CDH18: variants seen among roughly 807,000 people sequenced by gnomAD.
The protein encoded by CDH18 is cadherin-18.
Under a neutral mutation model 67.9 loss-of-function variants are expected in CDH18, and 31 were observed. That is an observed-to-expected ratio of 0.46 (90% CI 0.34 to 0.62). CDH18 has a LOEUF of 0.62. Among genes scored for constraint, CDH18 ranks in the 20% least tolerant of loss-of-function variants. The probability of loss-of-function intolerance (pLI) is 0.01; values close to 1 mark genes in which losing one functional copy is unlikely to be tolerated. For synonymous variants in CDH18, 362 were observed against 347.2 expected, an observed-to-expected ratio of 1.04 and a Z score of -0.48; for missense variants, 890 against 975.5, an observed-to-expected ratio of 0.91 and a Z score of 1.17.
At chr5:20,171,602 A>C (rs770001066) in intron 2 of CDH18, among the ~76,000 whole-genome samples, 1 of 151,986 alleles carries the variant, frequency 6.6e-6, no homozygotes, top group African/African-American at 2.4e-5. Context: ...AGTCTCTTAC[A>C]GATGCTGGAT....
chr5:19,939,609 T>A lies in CDH18; in HGVS notation c.-257+41451A>T, dbSNP rs368102800. Among the ~76,000 whole-genome samples the A allele has an allele frequency of 6.3e-4, 95 of 151,912 alleles. No individual in the cohort carries two copies. The South Asian group carries it at 0.017, about 27-fold the overall frequency. On this transcript the variant is annotated intron_variant, in intron 2 of 12. Transcript: ENST00000382275. ...ATATTTGCAACTCCGTGTTCACTAA[T>A]CATGAATTAAAGCATACTGCTGGAA...
intron 7 of CDH18, among the ~76,000 whole-genome samples, chr5:19,589,204 C>T (rs557950583): frequency 2.0e-5 from 3 of 151,976 alleles, no homozygotes; most frequent in South Asian, 2.1e-4. Context: ...TTCCTTTAGC[C>T]GAATCCAATC....
chr5:19,857,945 T>G (rs1784480502), intron 2 of CDH18, among the ~76,000 whole-genome samples: 1 of 152,202 alleles, frequency 6.6e-6, no homozygotes, highest in African/African-American at 2.4e-5. Flanking sequence ...TAAAAATCTA[T>G]CTAATATTAA....
In CDH18 at chr5:20,555,725, CA is replaced by C. The variant is rs1310019884; in HGVS notation, c.-580+19736del. On this transcript the variant is annotated intron_variant, in intron 1 of 14. Coordinates refer to the CDH18 transcript ENST00000507958. The stretch of plus-strand genomic sequence containing the variant: ...GTTACAAAGCATTAAACAACTGAGA[CA>C]GAGTTTCAAATCACCCCTGCTTTTT... 2.0e-5 allele frequency among the ~76,000 whole-genome samples: 3 copies of C among 151,574 alleles called. No individual in the cohort carries two copies. The East Asian group carries it at 5.8e-4, about 29-fold the overall frequency.
At chr5:19,698,075 G>A (rs1762767048) in intron 5 of CDH18, among the ~76,000 whole-genome samples, 1 of 152,110 alleles carries the variant, frequency 6.6e-6, no homozygotes, top group African/African-American at 2.4e-5. Context: ...CTGTTTATAT[G>A]CACCTATCTT....
intron 5 of CDH18, among the ~76,000 whole-genome samples, chr5:19,713,993 C>T (rs1189490487): frequency 1.3e-5 from 2 of 152,096 alleles, no homozygotes; most frequent in Non-Finnish European, 2.9e-5. Context: ...AAGTGCATTT[C>T]ACAAAGGTCC....
intron 1 of CDH18, among the ~76,000 whole-genome samples, chr5:20,359,173 C>T (rs1741886122): frequency 6.6e-6 from 1 of 151,966 alleles, no homozygotes; most frequent in African/African-American, 2.4e-5. Flanking sequence ...TCAGGTGATC[C>T]ACCCACCTCG....
intron 1 of CDH18, among the ~76,000 whole-genome samples, chr5:20,450,042 A>T (rs938724263): frequency 6.6e-6 from 1 of 151,926 alleles, no homozygotes; most frequent in African/African-American, 2.4e-5. Flanking sequence ...TACATTTTTA[A>T]AGTATATTTT....
intron 10 of CDH18, among the ~76,000 whole-genome samples, chr5:19,506,759 T>C (rs1225207403): frequency 2.0e-5 from 3 of 152,162 alleles, no homozygotes; most frequent in Admixed American, 1.3e-4. Flanking sequence ...TAATTCAAGA[T>C]GGATTAAAGA....
At chr5:20,531,800 C>G (rs1756416269) in intron 1 of CDH18, among the ~76,000 whole-genome samples, 1 of 152,032 alleles carries the variant, frequency 6.6e-6, no homozygotes, top group Non-Finnish European at 1.5e-5. Flanking sequence ...GGCTTAATAT[C>G]TAGGTGATGG....
At chr5:20,200,409 C>T (rs1271367159) in intron 2 of CDH18, among the ~76,000 whole-genome samples, 6 of 152,146 alleles carry the variant, frequency 3.9e-5, no homozygotes, top group South Asian at 4.1e-4. Flanking sequence ...TGTCGTGGCT[C>T]ACACCTGTAA....
At chr5:19,612,378 T>A in intron 6 of CDH18, 56 bp downstream of exon 6, 1 of 1,548,822 alleles carries the variant, frequency 6.5e-7, no homozygotes, top group Non-Finnish European at 8.9e-7. Context: ...AGTATTTCAT[T>A]TTACTTTACA....
At chr5:19,938,636 C>T (rs1433987934) in intron 2 of CDH18, among the ~76,000 whole-genome samples, 1 of 151,418 alleles carries the variant, frequency 6.6e-6, no homozygotes, top group Non-Finnish European at 1.5e-5. Flanking sequence ...CTACTTCATG[C>T]TTTGTTCCTG....
chr5:20,371,524 AC>A (rs1336476556), intron 1 of CDH18, among the ~76,000 whole-genome samples: 1 of 152,200 alleles, frequency 6.6e-6, no homozygotes, highest in East Asian at 1.9e-4. Context: ...TCAGAGTAGC[AC>A]ATTTGTGACC....
chr5:19,531,609 T>TCACACACACACACA (rs10552517), intron 9 of CDH18, among the ~76,000 whole-genome samples: 20 of 148,814 alleles, frequency 1.3e-4, no homozygotes, highest in South Asian at 2.2e-4. Flanking sequence ...ATGTGTGTTC[T>TCACACACACACACA]CACACACACA....
At chr5:20,532,411 T>C in intron 1 of CDH18, among the ~76,000 whole-genome samples, 1 of 152,138 alleles carries the variant, frequency 6.6e-6, no homozygotes. Flanking sequence ...TACTCAGTGC[T>C]AAAATAATTT....
chr5:20,506,102 A>G (rs548828806), intron 1 of CDH18, among the ~76,000 whole-genome samples: 22 of 152,208 alleles, frequency 1.4e-4, no homozygotes, highest in Non-Finnish European at 2.9e-4. Context: ...CACACAAAAA[A>G]ATAAAGTCAC....
chr5:20,464,147 T>G (rs1256277849), intron 1 of CDH18, among the ~76,000 whole-genome samples: 3 of 152,148 alleles, frequency 2.0e-5, no homozygotes, highest in Non-Finnish European at 4.4e-5. Flanking sequence ...AACTCAAGTT[T>G]ATAAGCAACA....
chr5:19,598,518 C>G (rs1229183470), intron 6 of CDH18, among the ~76,000 whole-genome samples: 1 of 151,958 alleles, frequency 6.6e-6, no homozygotes, highest in African/African-American at 2.4e-5. Flanking sequence ...ACATAGGAAA[C>G]TGAATGAACC....
Sources: allele counts gnomAD v4.1 joint callset (sites outside exome capture counted in the v4.1 genomes callset), GRCh38; gene constraint gnomAD v4.1.1; transcripts MANE v1.5; gene names NCBI Gene and HGNC (gene_info 2026-07-23, HGNC 2026-07-21).